The following MRO variants were observed in gnomAD, a reference collection of about 807,000 sequenced individuals.
MRO encodes maestro.
MRO carries 28 observed loss-of-function variants against 31.0 expected under a neutral mutation model. That is an observed-to-expected ratio of 0.90 (90% CI 0.67 to 1.24). The LOEUF (loss-of-function observed/expected upper bound fraction) is 1.24. Among genes scored for constraint, MRO ranks in the 50% most tolerant of loss-of-function variants. The pLI is 0.00. For synonymous variants in MRO, 108 were observed against 108.4 expected (o/e 1.00, Z 0.02); for missense variants, 332 against 289.2 (o/e 1.15, Z -1.07).
intron 5 of MRO, among the ~76,000 whole-genome samples, chr18:50,802,014 C>CT (rs1913383680): frequency 2.0e-5 from 3 of 152,300 alleles, no homozygotes; most frequent in South Asian, 2.1e-4. Context: ...TCCTTTCCCT[C>CT]TTTTTTACAT....
chr18:50,824,834 G>A (rs1159294915), upstream of MRO, among the ~76,000 whole-genome samples: 1 of 150,692 alleles, frequency 6.6e-6, no homozygotes, highest in African/African-American at 2.4e-5. Flanking sequence ...CCACACTTTG[G>A]GAGGCCGAGA....
At chr18:50,810,443 T>C (rs1475041662) in intron 2 of MRO, among the ~76,000 whole-genome samples, 2 of 152,148 alleles carry the variant, frequency 1.3e-5, no homozygotes, top group Non-Finnish European at 2.9e-5. Flanking sequence ...GGGCAGGAAA[T>C]ACATATGTAC....
At chr18:50,823,920 C>A (rs1293919088), upstream of MRO, 3 of 171,512 alleles carry the variant, frequency 1.7e-5, no homozygotes, top group South Asian at 4.3e-4. Context: ...GATCATTGAG[C>A]ACATTCAGTT....
At chr18:50,819,839 T>C (rs1915229240) in intron 1 of MRO, 58 bp downstream of exon 1, 1 of 1,540,076 alleles carries the variant, frequency 6.5e-7, no homozygotes, top group Admixed American at 2.0e-5. Flanking sequence ...GGGGAGGGAA[T>C]TGTTCTGGAA....
At chr18:50,821,359 C>T (rs1037883291), upstream of MRO, among the ~76,000 whole-genome samples, 1 of 152,188 alleles carries the variant, frequency 6.6e-6, no homozygotes, top group African/African-American at 2.4e-5. Context: ...GATACATCAA[C>T]ACAAAACTGA....
chr18:50,819,834 G>A lies in MRO; in HGVS notation c.-127+63C>T, dbSNP rs114002664. On this transcript the variant is annotated intron_variant, in intron 1 of 7. Transcript: ENST00000398439. ...GTTTATAGAGTATTTGGGCAGGGGA[G>A]GGAATTGTTCTGGAATGAAACCGAC... 4.5e-4 allele frequency: 696 copies of A among 1,538,914 alleles called. 4 individuals carry two copies. In the African/African-American group the frequency reaches 6.1e-3, roughly 14 times the overall value.
At chr18:50,800,544 T>C (rs1288301832) in intron 6 of MRO, among the ~76,000 whole-genome samples, 2 of 152,200 alleles carry the variant, frequency 1.3e-5, no homozygotes, top group African/African-American at 4.8e-5. Context: ...CTTGTTGGGA[T>C]ACAATTTTCT....
At chr18:50,820,597 G>A (rs1475294826), upstream of MRO, among the ~76,000 whole-genome samples, 4 of 152,202 alleles carry the variant, frequency 2.6e-5, no homozygotes, top group Non-Finnish European at 5.9e-5. Context: ...ACTTCTGTGT[G>A]CCAAATGTTG....
chr18:50,798,284 ACACT>A lies in MRO; in HGVS notation c.*1049_*1052del, dbSNP rs1211181286. On this transcript the variant is annotated 3_prime_UTR_variant, in exon 8 of 8. Transcript: ENST00000398439. ...AATAGCCAAAAAGTAATTAATAAAA[ACACT>A]CAGCTCACATAAATTAATAAAAATG... is the stretch of plus-strand genomic sequence containing the variant. 1.3e-5 allele frequency: 2 copies of A among 152,236 alleles called. No individual in the cohort carries two copies. The highest frequency in any genetic ancestry group is 2.4e-5 in the African/African-American group (1 of 41,458). The allele number at this position is 152,236 out of a possible 1,614,324, so 9.4% of individuals were successfully genotyped here.
intron 3 of MRO, among the ~76,000 whole-genome samples, chr18:50,808,975 A>C (rs1378384445): frequency 6.6e-6 from 1 of 150,860 alleles, no homozygotes; most frequent in Non-Finnish European, 1.5e-5. Context: ...GTCTCTACTA[A>C]AAATACAAAA....
chr18:50,825,051 G>A (rs1203253042), intron 1 of MRO, among the ~76,000 whole-genome samples: 2 of 147,308 alleles, frequency 1.4e-5, no homozygotes, highest in East Asian at 4.0e-4. Context: ...TCCAGCCTGG[G>A]CCACAAGAGC....
intron 5 of MRO, among the ~76,000 whole-genome samples, chr18:50,802,918 T>TGTGTA (rs1599010974): frequency 1.0e-5 from 1 of 96,244 alleles, no homozygotes; most frequent in Non-Finnish European, 2.5e-5. Flanking sequence ...GTGTGTGTAG[T>TGTGTA]GTGTGTGTGT....
chr18:50,806,859 T>C lies in MRO; in HGVS notation c.100-9A>G. ...CTCAGTTTCCAAGAGACCTGGGTGA[T>C]GGGTCAAAAATGTATTAATTTGGGA... On this transcript the variant is annotated splice_polypyrimidine_tract_variant and intron_variant, in intron 3 of 7. Transcript: ENST00000398439. The C allele has an allele frequency of 6.2e-7, 1 of 1,613,876 alleles. No individual in the cohort carries two copies. Among genetic ancestry groups the C allele is most frequent in the Non-Finnish European group, 8.5e-7 (1 of 1,179,878 alleles).
At chr18:50,814,188 C>T (rs1053899618) in intron 2 of MRO, among the ~76,000 whole-genome samples, 4 of 151,640 alleles carry the variant, frequency 2.6e-5, no homozygotes, top group Non-Finnish European at 5.9e-5. Flanking sequence ...CCATGTTGAA[C>T]GAGGGGTTGA....
chr18:50,804,569 T>C (rs1039021738), intron 5 of MRO, among the ~76,000 whole-genome samples: 1 of 150,104 alleles, frequency 6.7e-6, no homozygotes, highest in Admixed American at 6.6e-5. Flanking sequence ...GAGGTTGCAG[T>C]GAGCCGAGAT....
At chr18:50,821,444 A>G (rs1239135261), upstream of MRO, among the ~76,000 whole-genome samples, 1 of 152,246 alleles carries the variant, frequency 6.6e-6, no homozygotes, top group Non-Finnish European at 1.5e-5. Context: ...TTATCTGCCA[A>G]GAGCGAGAAT....
chr18:50,817,646 C>T (rs979315371), intron 2 of MRO, among the ~76,000 whole-genome samples: 26 of 131,180 alleles, frequency 2.0e-4, no homozygotes, highest in Admixed American at 7.5e-5. Flanking sequence ...AGAAGAACCT[C>T]TATCCTGGAA....
rs537823446 is a variant in MRO, at chr18:50,797,891, G to C, written c.*1446C>G. 4 of 152,470 alleles carry C rather than the reference G, an allele frequency of 2.6e-5. No individual in the cohort carries two copies. The highest frequency in any genetic ancestry group is 5.9e-5 in the Non-Finnish European group (4 of 68,086). 9.4% of individuals were successfully genotyped at this position (152,470 alleles called of 1,614,324 possible). A position where few individuals can be genotyped will look rare whatever the true frequency, so the allele number is the denominator to read the frequency against. On this transcript the variant is annotated 3_prime_UTR_variant, in exon 8 of 8. Transcript: ENST00000398439. ...AAGGAAGAAAATCCATTCCTGCCTG[G>C]CACTTGCCACTCTGTCTGCCATCTC...
chr18:50,798,239 T>G lies in MRO; in HGVS notation c.*1098A>C, dbSNP rs1912954054. ...TGACTCCTTGGATAACTAGGATTGATCACCAAAATAATTGACATTAATAGC... is the reference window on the plus strand; with the variant it reads ...TGACTCCTTGGATAACTAGGATTGAGCACCAAAATAATTGACATTAATAGC... On this transcript the variant is annotated 3_prime_UTR_variant, in exon 8 of 8. Coordinates refer to ENST00000398439, the MANE Select transcript of MRO (RefSeq NM_031939.6). 6.6e-6 allele frequency: 1 copy of G among 152,098 alleles called. No individual in the cohort carries two copies. The highest frequency in any genetic ancestry group is 1.5e-5 in the Non-Finnish European group (1 of 68,022). 9.4% of individuals were successfully genotyped at this position (152,098 alleles called of 1,614,324 possible).
Sources: gnomAD v4.1 joint callset for allele counts (sites outside exome capture counted in the v4.1 genomes callset) on GRCh38, gnomAD v4.1.1 for gene constraint, MANE v1.5 for transcripts, NCBI Gene and HGNC (gene_info 2026-07-23, HGNC 2026-07-21) for gene names.